Variants in NALF1 observed in about 807,000 individuals in gnomAD.
The protein encoded by NALF1 is NALCN channel auxiliary factor 1.
Under a neutral mutation model 48.4 loss-of-function variants are expected in NALF1, and 3 were observed. The ratio of observed to expected loss-of-function variants is 0.06; its 90% CI spans 0.03 to 0.16. The LOEUF (loss-of-function observed/expected upper bound fraction) is 0.16. Ranked by LOEUF, NALF1 falls within the 10% of genes least tolerant of loss-of-function variation. NALF1 has a pLI of 1.00. For missense variants in NALF1, 526 were observed against 571.5 expected (o/e 0.92, Z 0.81); for synonymous variants, 262 against 245.7 (o/e 1.07, Z -0.62).
intron 1 of NALF1, among the ~76,000 whole-genome samples, chr13:107,853,721 A>G (rs193134417): frequency 2.0e-5 from 3 of 152,228 alleles, no homozygotes; most frequent in Non-Finnish European, 2.9e-5. Context: ...CTAATGTTCC[A>G]CAGATTCTGC....
At chr13:107,830,334 TG>T (rs1178413910) in intron 1 of NALF1, among the ~76,000 whole-genome samples, 1 of 152,212 alleles carries the variant, frequency 6.6e-6, no homozygotes, top group African/African-American at 2.4e-5. Context: ...ATGTATAAAA[TG>T]TATGTTTAAT....
intron 1 of NALF1, among the ~76,000 whole-genome samples, chr13:107,461,261 C>T (rs1884914433): frequency 6.6e-6 from 1 of 151,896 alleles, no homozygotes; most frequent in African/African-American, 2.4e-5. Context: ...TAGTCTTTTC[C>T]TTAGTAGAAA....
chr13:107,829,224 T>C (rs1879632010), intron 1 of NALF1, among the ~76,000 whole-genome samples: 1 of 152,184 alleles, frequency 6.6e-6, no homozygotes, highest in South Asian at 2.1e-4. Context: ...GAAATAAGTA[T>C]ACCCCTACAT....
Position 107,499,723 on chromosome 13 carries a change from G to A in NALF1, c.916-288968C>T, listed in dbSNP as rs75256833. 5.9e-3 allele frequency among the ~76,000 whole-genome samples: 905 copies of A among 152,138 alleles called. 30 individuals are homozygous for A. In the East Asian group the frequency reaches 0.1, roughly 17 times the overall value. ...AAAAATAATCAGTTACTTCCTTACG[G>A]CTTGCTTTTTTTCTTGTTATTCTTA... On this transcript the variant is annotated intron_variant, in intron 1 of 2. Transcript: ENST00000375915.
chr13:107,681,449 G>A (rs1368139927), intron 1 of NALF1, among the ~76,000 whole-genome samples: 2 of 151,914 alleles, frequency 1.3e-5, no homozygotes, highest in Non-Finnish European at 2.9e-5. Flanking sequence ...GCCCTGGGGT[G>A]CATCTGCCAA....
At chr13:107,798,033 G>C (rs1878486439) in intron 1 of NALF1, among the ~76,000 whole-genome samples, 1 of 152,044 alleles carries the variant, frequency 6.6e-6, no homozygotes, top group Non-Finnish European at 1.5e-5. Flanking sequence ...TTGTATTCAG[G>C]TATATTGCTA....
chr13:107,773,319 C>A (rs938433249), intron 1 of NALF1, among the ~76,000 whole-genome samples: 3 of 152,114 alleles, frequency 2.0e-5, no homozygotes, highest in African/African-American at 7.2e-5. Flanking sequence ...CATGATAAAT[C>A]ATACTTCAGA....
At chr13:107,220,851 G>C (rs1879976932) in intron 1 of NALF1, among the ~76,000 whole-genome samples, 3 of 151,990 alleles carry the variant, frequency 2.0e-5, no homozygotes, top group African/African-American at 7.3e-5. Flanking sequence ...GTGGAGGTTA[G>C]TGTGCTTCTG....
At chr13:107,287,282 T>A (rs1881514631) in intron 1 of NALF1, among the ~76,000 whole-genome samples, 1 of 152,196 alleles carries the variant, frequency 6.6e-6, no homozygotes, top group African/African-American at 2.4e-5. Flanking sequence ...CCGTGGAACA[T>A]CACAAGCATA....
At chr13:107,490,619 T>C (rs1885400615) in intron 1 of NALF1, among the ~76,000 whole-genome samples, 1 of 152,086 alleles carries the variant, frequency 6.6e-6, no homozygotes, top group Non-Finnish European at 1.5e-5. Flanking sequence ...GGTACGAGGC[T>C]TAATACCTGG....
At chr13:107,182,084 T>C (rs1879075205) in intron 2 of NALF1, among the ~76,000 whole-genome samples, 1 of 152,206 alleles carries the variant, frequency 6.6e-6, no homozygotes, top group Non-Finnish European at 1.5e-5. Context: ...CCCAACTCAC[T>C]TGCTCTTACT....
rs9555422 is a variant in NALF1, at chr13:107,865,253, G to A, written c.915+429C>T. On this transcript the variant is annotated intron_variant, in intron 1 of 2. Coordinates refer to ENST00000375915, the MANE Select transcript of NALF1 (RefSeq NM_001080396.3). The stretch of plus-strand genomic sequence containing the variant: ...GATGTCACTATGAGAGCGTTCCTGT[G>A]TGCAGATCTATATTGCAAACCACAC... 1.1e-4 allele frequency among the ~76,000 whole-genome samples: 17 copies of A among 152,308 alleles called. No individual in the cohort carries two copies. The East Asian group carries it at 2.9e-3, about 26-fold the overall frequency.
chr13:107,600,687 A>C (rs1250328577), intron 1 of NALF1, among the ~76,000 whole-genome samples: 1 of 152,214 alleles, frequency 6.6e-6, no homozygotes, highest in East Asian at 1.9e-4. Context: ...ATATTAACTT[A>C]TATAGACCCT....
At chr13:107,489,482 C>G (rs896650118) in intron 1 of NALF1, among the ~76,000 whole-genome samples, 2 of 152,070 alleles carry the variant, frequency 1.3e-5, no homozygotes, top group African/African-American at 4.8e-5. Flanking sequence ...CTCACACTAT[C>G]TGGTCTCTGA....
chr13:107,724,341 T>A lies in NALF1; in HGVS notation c.915+141341A>T, dbSNP rs181265444. 6.5e-3 allele frequency among the ~76,000 whole-genome samples: 996 copies of A among 152,138 alleles called. 11 individuals are homozygous for A. The highest frequency in any genetic ancestry group is 0.023 in the African/African-American group (949 of 41,526). ...AAGTTTTACCTAATACAAAAAAAAA[T>A]GATTAAAAAAGAAATCACCTTCTAG... On this transcript the variant is annotated intron_variant, in intron 1 of 2. Coordinates refer to ENST00000375915, the MANE Select transcript of NALF1 (RefSeq NM_001080396.3).
At chr13:107,584,640 A>G (rs1470207393) in intron 1 of NALF1, among the ~76,000 whole-genome samples, 4 of 152,182 alleles carry the variant, frequency 2.6e-5, no homozygotes, top group Non-Finnish European at 5.9e-5. Context: ...AATGTTGACT[A>G]AACTGCCCTC....
At chr13:107,412,731 C>T (rs1884013636) in intron 1 of NALF1, among the ~76,000 whole-genome samples, 1 of 152,080 alleles carries the variant, frequency 6.6e-6, no homozygotes, top group Non-Finnish European at 1.5e-5. Flanking sequence ...ACAATAGTAT[C>T]GTATCAAAAA....
chr13:107,229,630 C>T (rs1388501638), intron 1 of NALF1, among the ~76,000 whole-genome samples: 2 of 152,172 alleles, frequency 1.3e-5, no homozygotes, highest in African/African-American at 4.8e-5. Context: ...CGAGAGAAAG[C>T]AGCACCCCAC....
chr13:107,758,168 C>T (rs1877167655), intron 1 of NALF1, among the ~76,000 whole-genome samples: 1 of 152,072 alleles, frequency 6.6e-6, no homozygotes, highest in African/African-American at 2.4e-5. Context: ...TTAAAAAGAT[C>T]AAAAGAACTG....
Sources: gnomAD v4.1 joint callset for allele counts (sites outside exome capture counted in the v4.1 genomes callset) on GRCh38, gnomAD v4.1.1 for gene constraint, MANE v1.5 for transcripts, NCBI Gene and HGNC (gene_info 2026-07-23, HGNC 2026-07-21) for gene names.